Variants in SHANK2 observed in about 807,000 individuals in gnomAD.
SHANK2 encodes SH3 and multiple ankyrin repeat domains protein 2.
SHANK2 carries 43 observed loss-of-function variants against 133.7 expected under a neutral mutation model. That is an observed-to-expected ratio of 0.32 (90% CI 0.25 to 0.41). The LOEUF (loss-of-function observed/expected upper bound fraction) is 0.41, where lower values mean the gene tolerates loss of function less well. Ranked by LOEUF, SHANK2 falls within the 10% of genes least tolerant of loss-of-function variation. SHANK2 has a pLI of 1.00. For synonymous variants in SHANK2, 1,017 were observed against 952.8 expected (o/e 1.07, Z -1.24); for missense variants, 1,994 against 2,235.8 (o/e 0.89, Z 2.18).
At chr11:71,226,829 AG>A (rs1321928013) in intron 1 of SHANK2, among the ~76,000 whole-genome samples, 2 of 152,142 alleles carry the variant, frequency 1.3e-5, no homozygotes, top group Non-Finnish European at 2.9e-5. Context: ...GAAGGAAAAA[AG>A]TATGGTAAGC....
intron 4 of SHANK2, among the ~76,000 whole-genome samples, chr11:71,117,895 A>AC (rs782147239): frequency 2.5e-4 from 38 of 151,938 alleles, no homozygotes; most frequent in Non-Finnish European, 4.4e-4. Context: ...GGTGGTGGGA[A>AC]CCCCTAGTTC....
intron 14 of SHANK2, among the ~76,000 whole-genome samples, chr11:70,787,236 C>T (rs1947682709): frequency 6.8e-6 from 1 of 147,728 alleles, no homozygotes; most frequent in Non-Finnish European, 1.5e-5. Context: ...AGGATCACCA[C>T]TATCATCGCC....
At chr11:70,605,550 G>T (rs533142198) in intron 17 of SHANK2, among the ~76,000 whole-genome samples, 2 of 152,210 alleles carry the variant, frequency 1.3e-5, no homozygotes, top group Non-Finnish European at 2.9e-5. Flanking sequence ...CTTAATGGCC[G>T]GCTGCCTCCG....
chr11:71,122,912 C>T (rs1354300885), intron 3 of SHANK2, among the ~76,000 whole-genome samples: 12 of 152,114 alleles, frequency 7.9e-5, no homozygotes, highest in Admixed American at 7.2e-4. Flanking sequence ...TTTAAGGCAC[C>T]AGTCTGTGGT....
intron 11 of SHANK2, among the ~76,000 whole-genome samples, chr11:70,876,601 A>ACACACACG (rs1949569594): frequency 6.7e-6 from 1 of 150,304 alleles, no homozygotes; most frequent in Non-Finnish European, 1.5e-5. Flanking sequence ...ACACACACAC[A>ACACACACG]CACACACACG....
At chr11:71,110,988 G>A (rs1555099098) in intron 5 of SHANK2, among the ~76,000 whole-genome samples, 2 of 152,234 alleles carry the variant, frequency 1.3e-5, no homozygotes, top group African/African-American at 2.4e-5. Context: ...CTTCCTCCAC[G>A]TGAAGACACA....
Position 70,580,850 on chromosome 11 carries a change from A to T in SHANK2, c.2062-77919T>A, listed in dbSNP as rs545665837. On this transcript the variant is annotated intron_variant, in intron 17 of 25. Coordinates refer to ENST00000601538, the MANE Select transcript of SHANK2 (RefSeq NM_012309.5). ...GTCTGGAGCCAGTTTGGCTGGGGGG[A>T]CCCTGGGGGGCTCACCTCCTGTTCC... Among the ~76,000 whole-genome samples the T allele has an allele frequency of 5.9e-5, 9 of 152,148 alleles. No homozygotes were observed. In the South Asian group the frequency reaches 1.7e-3, roughly 28 times the overall value.
At chr11:71,145,938 G>A (rs1180377233) in intron 3 of SHANK2, among the ~76,000 whole-genome samples, 3 of 152,190 alleles carry the variant, frequency 2.0e-5, no homozygotes, top group Non-Finnish European at 2.9e-5. Context: ...CCAGCCCACT[G>A]AGGGAGACCC....
At chr11:70,887,363 A>ATT (rs11424770) in intron 11 of SHANK2, among the ~76,000 whole-genome samples, 6,592 of 146,372 alleles carry the variant, frequency 0.045, 198 homozygotes, top group East Asian at 0.12. Context: ...GTCCCATTTA[A>ATT]TTTTTTTTTT....
chr11:70,722,978 C>T (rs1591787582), intron 14 of SHANK2, among the ~76,000 whole-genome samples: 1 of 152,130 alleles, frequency 6.6e-6, no homozygotes, highest in East Asian at 1.9e-4. Context: ...AATGAATAAG[C>T]CTCAGTTTTA....
chr11:71,216,319 C>T (rs1443699669), intron 2 of SHANK2, among the ~76,000 whole-genome samples: 2 of 152,162 alleles, frequency 1.3e-5, no homozygotes, highest in Non-Finnish European at 2.9e-5. Context: ...TCATGCTAAA[C>T]GTGGTCAAGC....
intron 9 of SHANK2, among the ~76,000 whole-genome samples, chr11:71,067,781 T>TCAC (rs1295672667): frequency 7.9e-5 from 12 of 151,518 alleles, no homozygotes; most frequent in Non-Finnish European, 1.8e-4. Flanking sequence ...ACTGCCATCA[T>TCAC]CACCACCACC....
chr11:70,755,713 A>G (rs2093015287), intron 14 of SHANK2, among the ~76,000 whole-genome samples: 2 of 152,136 alleles, frequency 1.3e-5, no homozygotes. Context: ...AGTGGCCACA[A>G]GCAGGGACGC....
chr11:70,468,336 A>G lies in SHANK2; in HGVS notation c.*4533T>C. ...AGGAACGATAAACAAAATCACCAAT[A>G]CAGCATGGATTAGAAATCAAAGTGA... On this transcript the variant is annotated 3_prime_UTR_variant, in exon 26 of 26. Transcript: ENST00000601538. 6.6e-6 allele frequency: 1 copy of G among 152,212 alleles called. No homozygotes were observed. The highest frequency in any genetic ancestry group is 1.9e-4 in the East Asian group (1 of 5,196). The allele number at this position is 152,212 out of a possible 1,614,324, so 9.4% of individuals were successfully genotyped here.
At chr11:71,244,704 G>GT (rs1476595431) in intron 1 of SHANK2, among the ~76,000 whole-genome samples, 1 of 152,120 alleles carries the variant, frequency 6.6e-6, no homozygotes, top group Non-Finnish European at 1.5e-5. Flanking sequence ...CTCACCAAGT[G>GT]TTTTTTTGTT....
rs782012907 is a variant in SHANK2 at position 70,487,101 on chromosome 11, G to T, written c.3192C>A (p.Ser1064Arg). Residue 1064 changes from serine to arginine, a missense_variant, in exon 25 of 26, where the codon AGC (serine) becomes AGA (arginine). Physicochemically the swap from Ser to Arg is moderately radical, Grantham distance 110. This residue lies in a region of SHANK2 where 488 missense variants were observed against 642.6 expected (regional missense o/e 0.76). Transcript: ENST00000601538. This position sits in a 1 kb window ranked among gnomAD's most constrained non-coding sequence, Gnocchi z 5.8. Reference sequence around the variant, plus strand: ...TCAGGCTTTCGTCAGGCCGCAGCTGGCTCGGTGGCTCCGGGGCCTGGGGGT... The same window carrying T: ...TCAGGCTTTCGTCAGGCCGCAGCTGTCTCGGTGGCTCCGGGGCCTGGGGGT... The part of the protein sequence containing the change: ...EIDPQAPEPP[S>R]QLRPDESLTV... 3 of 1,610,868 alleles carry T rather than the reference G, an allele frequency of 1.9e-6. No homozygotes were observed. Among genetic ancestry groups the T allele is most frequent in the Non-Finnish European group, 2.5e-6 (3 of 1,179,970 alleles).
intron 11 of SHANK2, among the ~76,000 whole-genome samples, chr11:70,858,737 G>C (rs1228805203): frequency 6.6e-6 from 1 of 152,236 alleles, no homozygotes; most frequent in African/African-American, 2.4e-5. Context: ...CAAGGGACTT[G>C]GCTCCTATCT....
intron 2 of SHANK2, among the ~76,000 whole-genome samples, chr11:71,217,462 C>T (rs1467834141): frequency 4.6e-5 from 7 of 152,040 alleles, no homozygotes; most frequent in African/African-American, 1.4e-4. Context: ...CGAGATCATG[C>T]CACTGCACTC....
chr11:71,197,152 G>T (rs1358076860), intron 2 of SHANK2, among the ~76,000 whole-genome samples: 2 of 152,188 alleles, frequency 1.3e-5, no homozygotes, highest in Non-Finnish European at 2.9e-5. Context: ...TGTCCTGGGA[G>T]TCAAAGCAGA....
Sources: gnomAD v4.1 joint callset for allele counts (sites outside exome capture counted in the v4.1 genomes callset) on GRCh38, gnomAD v4.1.1 for gene constraint, gnomAD v4.1.1 regional missense constraint, Gnocchi (gnomAD v3.1) non-coding constraint, MANE v1.5 for transcripts, NCBI Gene and HGNC (gene_info 2026-07-23, HGNC 2026-07-21) for gene names.